The following RAD18 variants were observed in gnomAD, a reference collection of about 807,000 sequenced individuals.
The protein encoded by RAD18 is E3 ubiquitin-protein ligase RAD18.
A neutral mutation model predicts 60.4 loss-of-function variants in RAD18; 47 were observed. The observed-to-expected ratio is 0.78, with a 90% confidence interval of 0.62 to 0.99. The LOEUF is 0.99. Ranked by LOEUF, RAD18 falls within the 50% of genes least tolerant of loss-of-function variation. The probability of loss-of-function intolerance (pLI) is 0.00; values close to 1 mark genes in which losing one functional copy is unlikely to be tolerated. For missense variants in RAD18, 640 were observed against 593.3 expected (o/e 1.08, Z -0.82); for synonymous variants, 225 against 195.5 (o/e 1.15, Z -1.26).
At chr3:8,939,031 TG>T (rs925102042) in intron 6 of RAD18, among the ~76,000 whole-genome samples, 5 of 151,990 alleles carry the variant, frequency 3.3e-5, no homozygotes, top group South Asian at 4.2e-4. Context: ...ACCTGGAGGA[TG>T]GGGGGGTGGT....
At chr3:8,909,115 G>A (rs1940063406) in intron 9 of RAD18, among the ~76,000 whole-genome samples, 1 of 152,184 alleles carries the variant, frequency 6.6e-6, no homozygotes, top group Non-Finnish European at 1.5e-5. Context: ...AAAGAGAGAA[G>A]AGGGTAACAA....
chr3:8,900,560 C>A (rs1360239855), intron 10 of RAD18, among the ~76,000 whole-genome samples: 4 of 152,082 alleles, frequency 2.6e-5, no homozygotes, highest in African/African-American at 9.7e-5. Flanking sequence ...CCTACTTGCC[C>A]TTAGATCTCA....
intron 11 of RAD18, 75 bp from the exon 12 acceptor site, chr3:8,890,526 A>T: frequency 1.7e-6 from 2 of 1,176,112 alleles, no homozygotes; most frequent in Non-Finnish European, 2.5e-6. Context: ...AATTCTAGAA[A>T]AAAACAAATG....
At chr3:8,936,117 T>C (rs185796527) in intron 6 of RAD18, 62 bp from the exon 7 acceptor site, 41 of 1,365,952 alleles carry the variant, frequency 3.0e-5, no homozygotes, top group Non-Finnish European at 2.9e-6. Context: ...TCATGTAAAA[T>C]GGCAAATAAA....
intron 9 of RAD18, among the ~76,000 whole-genome samples, chr3:8,904,864 A>C (rs1003687478): frequency 2.6e-5 from 4 of 152,230 alleles, no homozygotes; most frequent in African/African-American, 9.6e-5. Context: ...AAATTTGCTA[A>C]AGTAATCACA....
chr3:8,912,558 T>C (rs1940122160), intron 8 of RAD18, 186 bp from the exon 9 acceptor site: 1 of 373,942 alleles, frequency 2.7e-6, no homozygotes, highest in Non-Finnish European at 4.7e-6. Flanking sequence ...ATGGTATACA[T>C]TTTACTCATT....
chr3:8,930,103 G>A (rs524898), intron 7 of RAD18, among the ~76,000 whole-genome samples: 103,897 of 152,036 alleles, frequency 0.68, 36,100 homozygotes, highest in Middle Eastern at 0.77. Flanking sequence ...AACATATGTC[G>A]ACATAAAAAT....
chr3:8,920,506 T>C (rs1250202841), intron 7 of RAD18, among the ~76,000 whole-genome samples: 3 of 152,190 alleles, frequency 2.0e-5, no homozygotes, highest in Admixed American at 2.0e-4. Context: ...CTACATAGTG[T>C]TGAAGTGTCT....
At chr3:8,920,843 C>A (rs914859141) in intron 7 of RAD18, among the ~76,000 whole-genome samples, 4 of 151,984 alleles carry the variant, frequency 2.6e-5, no homozygotes, top group African/African-American at 9.7e-5. Context: ...GATATTACCA[C>A]GAAATGCAAT....
At chr3:8,935,741 A>G in intron 7 of RAD18, 130 bp downstream of exon 7, 3 of 855,108 alleles carry the variant, frequency 3.5e-6, no homozygotes, top group Non-Finnish European at 5.1e-6. Flanking sequence ...CTTTTGAAGG[A>G]ACACATTTGC....
chr3:8,894,918 G>A (rs960617589), intron 11 of RAD18, among the ~76,000 whole-genome samples: 2 of 151,878 alleles, frequency 1.3e-5, no homozygotes, highest in African/African-American at 2.4e-5. Context: ...ATGCTACTGC[G>A]CCTGGCTAAT....
intron 9 of RAD18, among the ~76,000 whole-genome samples, chr3:8,905,934 A>G (rs1327865715): frequency 1.3e-5 from 2 of 152,212 alleles, no homozygotes; most frequent in East Asian, 3.8e-4. Flanking sequence ...TTGTCTGTGC[A>G]CTTATGATCT....
intron 2 of RAD18, among the ~76,000 whole-genome samples, chr3:8,948,785 G>C (rs1207808591): frequency 6.6e-6 from 1 of 152,038 alleles, no homozygotes. Context: ...AAGTCTTTAG[G>C]ATACCACAAC....
At position 8,914,357 on chromosome 3, in the gene RAD18, C is replaced by A. The variant is rs1940159332; in HGVS notation, c.890-637G>T. Among the ~76,000 whole-genome samples the A allele has an allele frequency of 2.0e-5, 3 of 152,118 alleles. No individual in the cohort carries two copies. In the South Asian group the frequency reaches 6.2e-4, roughly 31 times the overall value. On this transcript the variant is annotated intron_variant, in intron 7 of 12. Coordinates refer to ENST00000264926, the MANE Select transcript of RAD18 (RefSeq NM_020165.4). ...GAAATAAAAATCTACAATCCCTAACCCTCATTTATACTTAAAAATTATATC... is the reference window on the plus strand; with the variant it reads ...GAAATAAAAATCTACAATCCCTAACACTCATTTATACTTAAAAATTATATC...
intron 7 of RAD18, among the ~76,000 whole-genome samples, chr3:8,921,876 G>A (rs571509995): frequency 6.6e-6 from 1 of 152,240 alleles, no homozygotes; most frequent in African/African-American, 2.4e-5. Context: ...AGCAAAAATA[G>A]TAACAAGGTA....
chr3:8,912,854 C>T (rs533991244), intron 8 of RAD18, among the ~76,000 whole-genome samples: 5 of 152,228 alleles, frequency 3.3e-5, no homozygotes, highest in African/African-American at 1.2e-4. Flanking sequence ...ACTTTTTAAA[C>T]CTCAGACTTA....
chr3:8,923,004 C>T (rs534306340), intron 7 of RAD18, among the ~76,000 whole-genome samples: 10 of 152,158 alleles, frequency 6.6e-5, no homozygotes, highest in African/African-American at 9.7e-5. Flanking sequence ...AAAATCAGAG[C>T]GCCTCTCTTC....
At chr3:8,961,226 A>G (rs929064421) in intron 1 of RAD18, among the ~76,000 whole-genome samples, 5 of 152,254 alleles carry the variant, frequency 3.3e-5, no homozygotes, top group African/African-American at 1.2e-4. Flanking sequence ...AGACAGTAAC[A>G]TGCATATCAC....
At chr3:8,892,551 A>G (rs1036797803) in intron 11 of RAD18, among the ~76,000 whole-genome samples, 1 of 152,132 alleles carries the variant, frequency 6.6e-6, no homozygotes, top group African/African-American at 2.4e-5. Context: ...TTCAGGTCAA[A>G]GTTGCAGAAA....
Sources: gnomAD v4.1 joint callset for allele counts (sites outside exome capture counted in the v4.1 genomes callset) on GRCh38, gnomAD v4.1.1 for gene constraint, MANE v1.5 for transcripts, NCBI Gene and HGNC (gene_info 2026-07-23, HGNC 2026-07-21) for gene names.